PTGER4: variants seen among roughly 807,000 people sequenced by gnomAD.
PTGER4 encodes prostaglandin E receptor 4.
A neutral mutation model predicts 33.2 loss-of-function variants in PTGER4; 11 were observed. The observed-to-expected ratio is 0.33, with a 90% CI of 0.21 to 0.55. The LOEUF (loss-of-function observed/expected upper bound fraction) is 0.55, where lower values mean the gene tolerates loss of function less well. Among genes scored for constraint, PTGER4 ranks in the 20% least tolerant of loss-of-function variants. The probability of loss-of-function intolerance (pLI) is 0.92; values close to 1 mark genes in which losing one functional copy is unlikely to be tolerated. For synonymous variants in PTGER4, 275 were observed against 281.5 expected, an observed-to-expected ratio of 0.98 and a Z score of 0.23; for missense variants, 481 against 650.2, an observed-to-expected ratio of 0.74 and a Z score of 2.83.
At chr5:40,685,993 G>C (rs1209309235) in intron 2 of PTGER4, among the ~76,000 whole-genome samples, 1 of 152,112 alleles carries the variant, frequency 6.6e-6, no homozygotes, top group African/African-American at 2.4e-5. Flanking sequence ...TATAAAGCCT[G>C]TAGAGATTTA....
At chr5:40,710,412 A>G in the PTGER4 span, among the ~76,000 whole-genome samples, 1 of 152,326 alleles carries the variant, frequency 6.6e-6, no homozygotes, top group South Asian at 2.1e-4. Context: ...GCAATCATTA[A>G]AAAGTCAGGA....
In PTGER4 at chr5:40,681,800, G is replaced by C. The variant is rs1399972795; in HGVS notation, c.807G>C (p.Gln269His). 2 of 1,592,110 alleles carry C rather than the reference G, an allele frequency of 1.3e-6. No individual in the cohort carries two copies. The highest frequency in any genetic ancestry group is 2.8e-5 in the African/African-American group (2 of 72,122). The change falls in exon 2 of 3, where the codon CAG (glutamine) becomes CAC (histidine). Residue 269 changes from glutamine (Q) to histidine (H), a missense_variant. Transcript: ENST00000302472. The surrounding 1 kb of genome is among the most constrained non-coding windows in gnomAD (Gnocchi z 9.8). The stretch of plus-strand genomic sequence containing the variant: ...GCCGCATCGCGGGCGCCGAGATCCA[G>C]ATGGTCATCTTACTCATTGCCACCT... Reference protein sequence around the residue: ...SFRRIAGAEIQMVILLIATSL... With the variant: ...SFRRIAGAEIHMVILLIATSL...
chr5:40,740,589 TAAG>T, the PTGER4 span, among the ~76,000 whole-genome samples: 14 of 152,204 alleles, frequency 9.2e-5, 1 homozygote, highest in African/African-American at 2.4e-4. Flanking sequence ...GTAGCAGAAA[TAAG>T]AAGACCAGCT....
At chr5:40,740,909 G>GT in the PTGER4 span, among the ~76,000 whole-genome samples, 2 of 152,048 alleles carry the variant, frequency 1.3e-5, no homozygotes, top group Admixed American at 1.3e-4. Context: ...TTCAGATATC[G>GT]TATTTTTCAT....
the PTGER4 span, among the ~76,000 whole-genome samples, chr5:40,701,118 A>G: frequency 1.3e-5 from 2 of 152,114 alleles, no homozygotes; most frequent in South Asian, 4.2e-4. Context: ...AGTAACTCCA[A>G]TGGTCAGAGT....
At chr5:40,737,105 G>A in the PTGER4 span, among the ~76,000 whole-genome samples, 2 of 152,174 alleles carry the variant, frequency 1.3e-5, no homozygotes, top group South Asian at 2.1e-4. Flanking sequence ...AGATCAGCCT[G>A]GGCAACATGG....
chr5:40,717,355 G>T, the PTGER4 span, among the ~76,000 whole-genome samples: 1 of 152,024 alleles, frequency 6.6e-6, no homozygotes, highest in Admixed American at 6.6e-5. Context: ...GAAACCAAAG[G>T]TATCAGCTGG....
rs543543475 is a variant in PTGER4, at chr5:40,687,142, T to G, written c.868-4637T>G. 7.9e-5 allele frequency among the ~76,000 whole-genome samples: 12 copies of G among 152,116 alleles called. No homozygotes were observed. The South Asian group carries it at 1.5e-3, about 18-fold the overall frequency. ...CTCACCGCAACCTCCACCTCCCGGGTTCAAGTGATTCTCCTGCCTCAGCCT... is the reference window on the plus strand; with the variant it reads ...CTCACCGCAACCTCCACCTCCCGGGGTCAAGTGATTCTCCTGCCTCAGCCT... On this transcript the variant is annotated intron_variant, in intron 2 of 2. Transcript: ENST00000302472.
the PTGER4 span, among the ~76,000 whole-genome samples, chr5:40,739,033 C>A: frequency 2.6e-5 from 4 of 152,112 alleles, no homozygotes; most frequent in African/African-American, 9.7e-5. Context: ...TTTTAAAAAC[C>A]AGAAGTTTTC....
chr5:40,725,374 C>T, the PTGER4 span, among the ~76,000 whole-genome samples: 1 of 151,804 alleles, frequency 6.6e-6, no homozygotes, highest in Non-Finnish European at 1.5e-5. Context: ...ATTACAAAAG[C>T]GAAACAATAA....
chr5:40,736,344 T>C, the PTGER4 span, among the ~76,000 whole-genome samples: 2 of 152,216 alleles, frequency 1.3e-5, no homozygotes, highest in Non-Finnish European at 2.9e-5. Flanking sequence ...CACCCTCAAA[T>C]TTACATTAGT....
chr5:40,682,604 A>G (rs1021129886), intron 2 of PTGER4, among the ~76,000 whole-genome samples: 9 of 152,216 alleles, frequency 5.9e-5, no homozygotes, highest in Non-Finnish European at 1.5e-5. Flanking sequence ...AGACCAGGAA[A>G]GCAAAGTTTC....
the PTGER4 span, among the ~76,000 whole-genome samples, chr5:40,723,367 C>T: frequency 4.2e-3 from 635 of 152,066 alleles, 3 homozygotes; most frequent in African/African-American, 0.015. Context: ...CTGACCTTCC[C>T]TCCACTATTG....
the PTGER4 span, among the ~76,000 whole-genome samples, chr5:40,742,087 A>G: frequency 3.9e-5 from 6 of 152,222 alleles, no homozygotes; most frequent in Admixed American, 1.3e-4. Context: ...CTACTGTCCA[A>G]TGGTTGAAAA....
chr5:40,710,197 T>C, the PTGER4 span, among the ~76,000 whole-genome samples: 55 of 151,830 alleles, frequency 3.6e-4, no homozygotes, highest in African/African-American at 1.2e-3. Flanking sequence ...GGCTAATATC[T>C]AGAATCTACA....
chr5:40,714,363 G>A, the PTGER4 span: 1 of 152,120 alleles, frequency 6.6e-6, no homozygotes, highest in South Asian at 2.1e-4. Flanking sequence ...TCATGTGTGA[G>A]GCACCATGCA....
the PTGER4 span, among the ~76,000 whole-genome samples, chr5:40,722,640 G>T: frequency 6.7e-6 from 1 of 149,046 alleles, no homozygotes; most frequent in African/African-American, 2.5e-5. Context: ...CAGCTGCCCC[G>T]TCTGGGAAGT....
chr5:40,709,400 C>T, the PTGER4 span, among the ~76,000 whole-genome samples: 270 of 151,988 alleles, frequency 1.8e-3, 1 homozygote, highest in African/African-American at 6.2e-3. Flanking sequence ...CAGACAAACA[C>T]AGAGCCAAAT....
chr5:40,706,940 G>A, the PTGER4 span, among the ~76,000 whole-genome samples: 1 of 152,178 alleles, frequency 6.6e-6, no homozygotes, highest in Non-Finnish European at 1.5e-5. Flanking sequence ...AGCTTCATAA[G>A]TGAAGGAGAA....
Sources: gnomAD v4.1 joint callset for allele counts (sites outside exome capture counted in the v4.1 genomes callset) on GRCh38, gnomAD v4.1.1 for gene constraint, Gnocchi (gnomAD v3.1) non-coding constraint, MANE v1.5 for transcripts, NCBI Gene and HGNC (gene_info 2026-07-23, HGNC 2026-07-21) for gene names.